Variants in BFSP2 observed in about 807,000 individuals in gnomAD.
BFSP2 encodes phakinin.
BFSP2 carries 38 observed loss-of-function variants against 44.9 expected under a neutral mutation model. That is an observed-to-expected ratio of 0.85 (90% CI 0.65 to 1.11). BFSP2 has a LOEUF of 1.11. Among genes scored for constraint, BFSP2 ranks in the 50% least tolerant of loss-of-function variants. The probability of loss-of-function intolerance (pLI) is 0.00; values close to 1 mark genes in which losing one functional copy is unlikely to be tolerated. For synonymous variants in BFSP2, 197 were observed against 209.9 expected, an observed-to-expected ratio of 0.94 and a Z score of 0.53; for missense variants, 525 against 533.0, an observed-to-expected ratio of 0.99 and a Z score of 0.15.
rs753021768 is a variant in BFSP2, at chr3:133,448,563, C to G, written c.647C>G (p.Ala216Gly). The G allele has an allele frequency of 6.2e-7, 1 of 1,613,952 alleles. No individual in the cohort carries two copies. The highest frequency in any genetic ancestry group is 8.5e-7 in the Non-Finnish European group (1 of 1,179,954). Residue 216 changes from alanine (A) to glycine (G), a missense_variant, in exon 3 of 7, where the codon GCT (alanine) becomes GGT (glycine). Transcript: ENST00000302334. ...INSLYKVIDE[A>G]NLTKMDLESQ... ...TCTCTGTATAAAGTCATTGATGAGG[C>G]TAATTTGACTAAAATGGACCTGGAG...
chr3:133,459,890 C>T (rs902824970), intron 4 of BFSP2, among the ~76,000 whole-genome samples: 3 of 152,194 alleles, frequency 2.0e-5, no homozygotes, highest in Non-Finnish European at 2.9e-5. Flanking sequence ...CTGGTAGATC[C>T]TCCTCTTCTT....
chr3:133,421,090 G>A (rs765666205), intron 1 of BFSP2, among the ~76,000 whole-genome samples: 2 of 152,160 alleles, frequency 1.3e-5, no homozygotes, highest in South Asian at 2.1e-4. Context: ...AGTATGCGTC[G>A]GGAAGGGAGG....
At chr3:133,430,826 A>G (rs930532106) in intron 1 of BFSP2, among the ~76,000 whole-genome samples, 1 of 151,876 alleles carries the variant, frequency 6.6e-6, no homozygotes, top group African/African-American at 2.4e-5. Context: ...AGGCCGAGCT[A>G]GGTCCCAATT....
At chr3:133,403,806 C>G (rs2073381561) in intron 1 of BFSP2, among the ~76,000 whole-genome samples, 1 of 152,058 alleles carries the variant, frequency 6.6e-6, no homozygotes, top group Non-Finnish European at 1.5e-5. Context: ...CTGGAATCTC[C>G]CCACAGCCTG....
intron 5 of BFSP2, among the ~76,000 whole-genome samples, chr3:133,467,539 C>T (rs1576599058): frequency 6.6e-6 from 1 of 152,142 alleles, no homozygotes; most frequent in Non-Finnish European, 1.5e-5. Flanking sequence ...TCAGGCTCTG[C>T]TTCTGGAGAA....
At chr3:133,414,543 A>C (rs1449165593) in intron 1 of BFSP2, among the ~76,000 whole-genome samples, 7 of 32,390 alleles carry the variant, frequency 2.2e-4, no homozygotes, top group Admixed American at 4.6e-4. Context: ...CCTTCTACTC[A>C]CCCCTCTACT....
At chr3:133,437,102 A>C (rs2073792785) in intron 1 of BFSP2, among the ~76,000 whole-genome samples, 2 of 152,198 alleles carry the variant, frequency 1.3e-5, no homozygotes. Context: ...ATGATTTATA[A>C]TCCTTTGGGT....
At chr3:133,429,182 TA>T (rs1176051482) in intron 1 of BFSP2, 1 of 152,100 alleles carries the variant, frequency 6.6e-6, no homozygotes, top group Non-Finnish European at 1.5e-5. Flanking sequence ...TACATATGTA[TA>T]AAACCTTTCC....
intron 1 of BFSP2, among the ~76,000 whole-genome samples, chr3:133,420,825 T>A (rs1188640397): frequency 6.6e-6 from 1 of 152,024 alleles, no homozygotes; most frequent in Non-Finnish European, 1.5e-5. Context: ...CTGAGCAGAG[T>A]GTGTCCCTGG....
At chr3:133,423,207 C>T (rs1355417792) in intron 1 of BFSP2, among the ~76,000 whole-genome samples, 1 of 151,820 alleles carries the variant, frequency 6.6e-6, no homozygotes. Context: ...GAGACTGCAA[C>T]AGAATATCAC....
chr3:133,410,367 T>G, intron 1 of BFSP2: 4 of 330,948 alleles, frequency 1.2e-5, no homozygotes, highest in South Asian at 1.1e-4. Flanking sequence ...GTGACTCACA[T>G]AGCAGTAGTG....
At chr3:133,430,837 C>A (rs144176101) in intron 1 of BFSP2, among the ~76,000 whole-genome samples, 6 of 152,100 alleles carry the variant, frequency 3.9e-5, no homozygotes, top group African/African-American at 1.4e-4. Flanking sequence ...GGTCCCAATT[C>A]TTCCTCAGCC....
At chr3:133,437,869 C>T (rs749596142) in intron 1 of BFSP2, among the ~76,000 whole-genome samples, 22 of 152,286 alleles carry the variant, frequency 1.4e-4, no homozygotes, top group Non-Finnish European at 2.1e-4. Context: ...TTTGGCTACC[C>T]GCCCATAGCT....
At chr3:133,451,199 A>C (rs1161277488) in intron 4 of BFSP2, among the ~76,000 whole-genome samples, 1 of 152,188 alleles carries the variant, frequency 6.6e-6, no homozygotes, top group Non-Finnish European at 1.5e-5. Flanking sequence ...TGAAAAAAAC[A>C]TACACATTTA....
intron 1 of BFSP2, among the ~76,000 whole-genome samples, chr3:133,402,358 A>T (rs978092050): frequency 1.3e-5 from 2 of 152,248 alleles, no homozygotes; most frequent in Non-Finnish European, 1.5e-5. Context: ...GGGTATAACA[A>T]TGCTTACATA....
At chr3:133,422,452 C>T (rs1354490789) in intron 1 of BFSP2, among the ~76,000 whole-genome samples, 1 of 152,176 alleles carries the variant, frequency 6.6e-6, no homozygotes, top group South Asian at 2.1e-4. Context: ...CTCTTCACTT[C>T]TGTGTACCCT....
intron 1 of BFSP2, among the ~76,000 whole-genome samples, chr3:133,430,033 G>A (rs895588837): frequency 2.0e-5 from 3 of 150,642 alleles, no homozygotes; most frequent in Non-Finnish European, 4.4e-5. Context: ...GTGATAGTTT[G>A]CTGAGAATGA....
intron 1 of BFSP2, among the ~76,000 whole-genome samples, chr3:133,403,980 G>T (rs1378699887): frequency 5.8e-5 from 6 of 102,592 alleles, no homozygotes; most frequent in African/African-American, 1.9e-4. Flanking sequence ...AATCAGGAAG[G>T]CCGTCCTGGG....
chr3:133,448,116 C>T (rs1946193906), intron 2 of BFSP2, among the ~76,000 whole-genome samples: 1 of 152,220 alleles, frequency 6.6e-6, no homozygotes, highest in African/African-American at 2.4e-5. Flanking sequence ...CACCCTGGTG[C>T]TTAGCAGGTT....
Sources: gnomAD v4.1 joint callset for allele counts (sites outside exome capture counted in the v4.1 genomes callset) on GRCh38, gnomAD v4.1.1 for gene constraint, MANE v1.5 for transcripts, NCBI Gene and HGNC (gene_info 2026-07-23, HGNC 2026-07-21) for gene names.